TMPRSS11D: variants seen among roughly 807,000 people sequenced by gnomAD.
TMPRSS11D encodes the protein transmembrane serine protease 11D.
TMPRSS11D carries 32 observed loss-of-function variants against 44.4 expected under a neutral mutation model. The observed-to-expected ratio is 0.72, with a 90% CI of 0.54 to 0.97. The LOEUF is 0.97. Among genes scored for constraint, TMPRSS11D ranks in the 50% least tolerant of loss-of-function variants. TMPRSS11D has a pLI of 0.00. For missense variants in TMPRSS11D, 446 were observed against 502.6 expected, an observed-to-expected ratio of 0.89 and a Z score of 1.08; for synonymous variants, 179 against 177.9, an observed-to-expected ratio of 1.01 and a Z score of -0.05.
intron 1 of TMPRSS11D, among the ~76,000 whole-genome samples, chr4:67,871,913 A>T (rs988473855): frequency 6.6e-6 from 1 of 152,180 alleles, no homozygotes; most frequent in Non-Finnish European, 1.5e-5. Context: ...CCAGATTTGC[A>T]AAGTGTTGGG....
chr4:67,849,969 AT>A (rs1220264504), intron 3 of TMPRSS11D, among the ~76,000 whole-genome samples: 1 of 152,190 alleles, frequency 6.6e-6, no homozygotes, highest in African/African-American at 2.4e-5. Flanking sequence ...TTAGAGTACT[AT>A]TCATGTATCA....
intron 7 of TMPRSS11D, among the ~76,000 whole-genome samples, chr4:67,831,376 A>G (rs555290798): frequency 5.9e-5 from 9 of 152,120 alleles, no homozygotes; most frequent in Admixed American, 1.3e-4. Flanking sequence ...GTCCAATACA[A>G]GGTTCACAGA....
rs748612566 is a variant in TMPRSS11D, at chr4:67,827,429, T to C, written c.784A>G (p.Asn262Asp). The change falls in exon 8 of 10, where the codon AAC becomes GAC. Residue 262 changes from asparagine (N) to aspartate (D), a missense_variant. Coordinates refer to ENST00000283916, the MANE Select transcript of TMPRSS11D (RefSeq NM_004262.3). ...TCATGAGTTGCAGATTTATAATTGT[T>C]ATGAATTAAAATATTTCTTACTCTC... Reference protein sequence around the residue: ...RMRVRNILIHNNYKSATHEND... With the variant: ...RMRVRNILIHDNYKSATHEND... 9 of 1,612,948 alleles carry C rather than the reference T, an allele frequency of 5.6e-6. No individual in the cohort carries two copies. The highest frequency in any genetic ancestry group is 7.6e-6 in the Non-Finnish European group (9 of 1,179,484).
Position 67,847,156 on chromosome 4 carries a change from G to A in TMPRSS11D, c.250-4531C>T, listed in dbSNP as rs141912742. 2.9e-3 allele frequency among the ~76,000 whole-genome samples: 435 copies of A among 152,246 alleles called. 2 individuals are homozygous for A. The highest frequency in any genetic ancestry group is 9.8e-3 in the African/African-American group (408 of 41,550). ...TGACCTCAGATGATCCGCCCACGTC[G>A]GCCTCCCAAAGTGCTGGGATTACAG... On this transcript the variant is annotated intron_variant, in intron 3 of 9. Coordinates refer to ENST00000283916, the MANE Select transcript of TMPRSS11D (RefSeq NM_004262.3).
chr4:67,863,439 CT>C (rs1022718077), intron 1 of TMPRSS11D, among the ~76,000 whole-genome samples: 35 of 151,296 alleles, frequency 2.3e-4, no homozygotes, highest in African/African-American at 8.5e-4. Context: ...AAGAATTTTT[CT>C]GCAAGACATT....
intron 3 of TMPRSS11D, among the ~76,000 whole-genome samples, chr4:67,848,950 G>C (rs1177403978): frequency 6.6e-6 from 1 of 152,200 alleles, no homozygotes; most frequent in Non-Finnish European, 1.5e-5. Flanking sequence ...GCTACATATA[G>C]ATAATCAGTT....
chr4:67,853,505 G>A (rs527982824), intron 3 of TMPRSS11D, among the ~76,000 whole-genome samples: 1 of 152,304 alleles, frequency 6.6e-6, no homozygotes, highest in East Asian at 1.9e-4. Context: ...CTAAAGGGCA[G>A]CCCCTAGTTT....
chr4:67,852,293 C>A (rs1718528479), intron 3 of TMPRSS11D, among the ~76,000 whole-genome samples: 1 of 152,104 alleles, frequency 6.6e-6, no homozygotes, highest in South Asian at 2.1e-4. Context: ...AGGACCCTGT[C>A]ATTGGTGGGA....
At chr4:67,871,765 T>C (rs1719066369) in intron 1 of TMPRSS11D, among the ~76,000 whole-genome samples, 1 of 152,172 alleles carries the variant, frequency 6.6e-6, no homozygotes, top group African/African-American at 2.4e-5. Context: ...CAAATGAGCA[T>C]GGTGGTAACA....
chr4:67,839,981 C>G (rs980986069), intron 4 of TMPRSS11D, among the ~76,000 whole-genome samples: 1 of 131,576 alleles, frequency 7.6e-6, no homozygotes, highest in Non-Finnish European at 1.6e-5. Context: ...TCCCTCCCCC[C>G]TCCCCCGACA....
At chr4:67,843,612 C>G (rs978870858) in intron 3 of TMPRSS11D, among the ~76,000 whole-genome samples, 1 of 152,146 alleles carries the variant, frequency 6.6e-6, no homozygotes, top group African/African-American at 2.4e-5. Flanking sequence ...TAAGTGTGTA[C>G]CACTGTGCCT....
intron 1 of TMPRSS11D, among the ~76,000 whole-genome samples, chr4:67,866,927 A>G (rs1718938166): frequency 6.6e-6 from 1 of 152,106 alleles, no homozygotes; most frequent in South Asian, 2.1e-4. Flanking sequence ...CTACAAATTC[A>G]ATTAAATCCC....
At chr4:67,883,818 T>C (rs984147608) in intron 1 of TMPRSS11D, 108 bp downstream of exon 1, 3 of 788,626 alleles carry the variant, frequency 3.8e-6, no homozygotes, top group African/African-American at 3.6e-5. Context: ...GAGAAGTAAC[T>C]AGAAGATTGC....
chr4:67,839,925 C>A (rs1718190548), intron 4 of TMPRSS11D, among the ~76,000 whole-genome samples: 1 of 151,098 alleles, frequency 6.6e-6, no homozygotes, highest in African/African-American at 2.4e-5. Flanking sequence ...TGGTGTGCTG[C>A]ACCCATTAAC....
At chr4:67,858,020 A>G (rs1248870417) in intron 2 of TMPRSS11D, among the ~76,000 whole-genome samples, 2 of 152,098 alleles carry the variant, frequency 1.3e-5, no homozygotes, top group Admixed American at 6.6e-5. Context: ...CAAAAACAAC[A>G]ACGACAACAG....
intron 7 of TMPRSS11D, 122 bp from the exon 8 acceptor site, chr4:67,827,642 T>C: frequency 9.0e-6 from 10 of 1,106,770 alleles, no homozygotes; most frequent in Non-Finnish European, 1.1e-5. Flanking sequence ...CTCTTTGCTA[T>C]ATTTTCCTGC....
intron 5 of TMPRSS11D, 28 bp from the exon 6 acceptor site, chr4:67,835,149 A>C (rs368928957): frequency 4.5e-5 from 72 of 1,588,038 alleles, no homozygotes; most frequent in Non-Finnish European, 6.1e-5. Context: ...GAATAAGATA[A>C]ATACAATAAA....
In TMPRSS11D at chr4:67,879,990, G is replaced by C. The variant is rs1003897552; in HGVS notation, c.8+3936C>G. On this transcript the variant is annotated intron_variant, in intron 1 of 9. Transcript: ENST00000283916. Reference sequence around the variant, plus strand: ...ATGAATAAGCTATGCACACTTTATTGTATATAACATATATAATATTGATCT... The same window carrying C: ...ATGAATAAGCTATGCACACTTTATTCTATATAACATATATAATATTGATCT... Among the ~76,000 whole-genome samples the C allele has an allele frequency of 6.6e-5, 10 of 152,278 alleles. 1 individual carries two copies. Among genetic ancestry groups the C allele is most frequent in the Admixed American group, 3.9e-4 (6 of 15,292 alleles).
intron 2 of TMPRSS11D, among the ~76,000 whole-genome samples, chr4:67,858,529 A>G (rs1402243757): frequency 6.6e-6 from 1 of 152,154 alleles, no homozygotes; most frequent in Non-Finnish European, 1.5e-5. Flanking sequence ...GTGTATCATT[A>G]TTGGTATTTC....
Sources: allele counts gnomAD v4.1 joint callset (sites outside exome capture counted in the v4.1 genomes callset), GRCh38; gene constraint gnomAD v4.1.1; transcripts MANE v1.5; gene names NCBI Gene and HGNC (gene_info 2026-07-23, HGNC 2026-07-21).